The following MYO1B variants were observed in gnomAD, a reference collection of about 807,000 sequenced individuals.
MYO1B encodes myosin IB.
A neutral mutation model predicts 159.7 loss-of-function variants in MYO1B; 72 were observed. The ratio of observed to expected loss-of-function variants is 0.45; its 90% CI spans 0.37 to 0.55. The LOEUF (loss-of-function observed/expected upper bound fraction) is 0.55, where lower values mean the gene tolerates loss of function less well. Ranked by LOEUF, MYO1B falls within the 20% of genes least tolerant of loss-of-function variation. MYO1B has a pLI of 0.00. For synonymous variants in MYO1B, 468 were observed against 473.8 expected (o/e 0.99, Z 0.16); for missense variants, 1,062 against 1,364.8 (o/e 0.78, Z 3.50).
intron 1 of MYO1B, among the ~76,000 whole-genome samples, chr2:191,274,367 C>T (rs1009349290): frequency 6.6e-6 from 1 of 152,082 alleles, no homozygotes; most frequent in Admixed American, 6.6e-5. Flanking sequence ...GATGGTGAAG[C>T]GGGTAATTAC....
chr2:191,325,473 G>A (rs773669103), intron 3 of MYO1B, among the ~76,000 whole-genome samples: 4 of 152,124 alleles, frequency 2.6e-5, no homozygotes, highest in Non-Finnish European at 5.9e-5. Flanking sequence ...TTGGCTAATG[G>A]AGAGGTCCAA....
At chr2:191,318,936 C>G (rs73060708) in intron 3 of MYO1B, among the ~76,000 whole-genome samples, 2,183 of 152,188 alleles carry the variant, frequency 0.014, 52 homozygotes, top group African/African-American at 0.05. Context: ...TTAGTCACTC[C>G]CTGCCTAAAG....
intron 30 of MYO1B, among the ~76,000 whole-genome samples, chr2:191,417,819 C>T (rs1420838199): frequency 6.6e-5 from 10 of 152,150 alleles, no homozygotes; most frequent in Non-Finnish European, 1.2e-4. Context: ...AGGAGCTTTG[C>T]GGGGATAGCG....
At chr2:191,369,447 CT>C in intron 11 of MYO1B, 94 bp from the exon 12 acceptor site, 1 of 933,102 alleles carries the variant, frequency 1.1e-6, no homozygotes, top group East Asian at 2.6e-5. Context: ...AATAAAAGAG[CT>C]TCAAATATTT....
intron 3 of MYO1B, among the ~76,000 whole-genome samples, chr2:191,302,839 T>C (rs1043959194): frequency 6.6e-6 from 1 of 152,204 alleles, no homozygotes; most frequent in African/African-American, 2.4e-5. Flanking sequence ...GTTACCCTCA[T>C]TTAAAAATGG....
intron 4 of MYO1B, among the ~76,000 whole-genome samples, chr2:191,333,709 C>T (rs540702200): frequency 6.6e-6 from 1 of 152,304 alleles, no homozygotes; most frequent in Non-Finnish European, 1.5e-5. Context: ...CTCTTTATCT[C>T]TCTCTGTCTC....
chr2:191,303,417 C>T (rs138918795), intron 3 of MYO1B, among the ~76,000 whole-genome samples: 7 of 152,118 alleles, frequency 4.6e-5, no homozygotes, highest in African/African-American at 1.2e-4. Flanking sequence ...TGATCCAGTA[C>T]GTCTCCACAA....
intron 16 of MYO1B, 30 bp downstream of exon 16, chr2:191,386,114 G>T: frequency 2.5e-6 from 4 of 1,608,678 alleles, no homozygotes; most frequent in Non-Finnish European, 3.4e-6. Flanking sequence ...ACCCAGTCAG[G>T]CCTGCCAAGT....
chr2:191,397,844 A>T (rs1360596849), intron 21 of MYO1B, among the ~76,000 whole-genome samples: 1 of 144,014 alleles, frequency 6.9e-6, no homozygotes, highest in African/African-American at 2.6e-5. Flanking sequence ...CCACCCTCCC[A>T]GACGGGGCGG....
intron 3 of MYO1B, among the ~76,000 whole-genome samples, chr2:191,315,600 A>T (rs1229922251): frequency 6.6e-6 from 1 of 152,234 alleles, no homozygotes; most frequent in African/African-American, 2.4e-5. Context: ...ATTTTTGCAT[A>T]TAAGACCAAA....
At chr2:191,326,631 C>T (rs1691087035) in intron 3 of MYO1B, among the ~76,000 whole-genome samples, 1 of 151,740 alleles carries the variant, frequency 6.6e-6, no homozygotes, top group African/African-American at 2.4e-5. Flanking sequence ...TGAATGAGAC[C>T]CTGTCTTTGA....
chr2:191,287,585 C>G (rs966541816), intron 2 of MYO1B, among the ~76,000 whole-genome samples: 1 of 151,698 alleles, frequency 6.6e-6, no homozygotes, highest in Admixed American at 6.6e-5. Flanking sequence ...AATGTGCCCA[C>G]GTTCACACAA....
At chr2:191,333,967 C>A (rs908874381) in intron 4 of MYO1B, among the ~76,000 whole-genome samples, 1 of 152,164 alleles carries the variant, frequency 6.6e-6, no homozygotes, top group Non-Finnish European at 1.5e-5. Context: ...ACCCCTCCCC[C>A]CATCCTATTT....
At chr2:191,259,678 A>G (rs1686676917) in intron 1 of MYO1B, among the ~76,000 whole-genome samples, 1 of 152,310 alleles carries the variant, frequency 6.6e-6, no homozygotes, top group East Asian at 1.9e-4. Flanking sequence ...GTAGATATTG[A>G]GAACGAGGTG....
chr2:191,364,478 A>C (rs1693870516), intron 11 of MYO1B, among the ~76,000 whole-genome samples: 1 of 152,068 alleles, frequency 6.6e-6, no homozygotes, highest in African/African-American at 2.4e-5. Context: ...ATTAGATGAT[A>C]ATCAGTAGAC....
chr2:191,410,254 A>T (rs912674570), intron 26 of MYO1B, among the ~76,000 whole-genome samples: 3 of 152,034 alleles, frequency 2.0e-5, no homozygotes, highest in African/African-American at 7.2e-5. Flanking sequence ...ATTGGATTGG[A>T]GGTGGGAGAT....
intron 3 of MYO1B, among the ~76,000 whole-genome samples, chr2:191,315,553 A>G (rs1191197207): frequency 1.3e-5 from 2 of 152,242 alleles, no homozygotes; most frequent in African/African-American, 4.8e-5. Flanking sequence ...ATTTCCTGGT[A>G]GTCAAAGCAA....
intron 3 of MYO1B, among the ~76,000 whole-genome samples, chr2:191,300,620 G>C (rs1273318045): frequency 7.1e-6 from 1 of 141,076 alleles, no homozygotes; most frequent in African/African-American, 2.6e-5. Context: ...GGGATTACAG[G>C]TGTGACACTG....
chr2:191,379,656 C>T (rs1400506330), intron 13 of MYO1B, among the ~76,000 whole-genome samples: 1 of 151,956 alleles, frequency 6.6e-6, no homozygotes, highest in Admixed American at 6.6e-5. Flanking sequence ...CACAGACTTG[C>T]CAGATAACAC....
Sources: gnomAD v4.1 joint callset for allele counts (sites outside exome capture counted in the v4.1 genomes callset) on GRCh38, gnomAD v4.1.1 for gene constraint, MANE v1.5 for transcripts, NCBI Gene and HGNC (gene_info 2026-07-23, HGNC 2026-07-21) for gene names.